The following CDC42SE2 variants were observed in gnomAD, a reference collection of about 807,000 sequenced individuals.
CDC42SE2 encodes CDC42 small effector protein 2.
Under a neutral mutation model 11.5 loss-of-function variants are expected in CDC42SE2, and 3 were observed. The observed-to-expected ratio is 0.26, with a 90% confidence interval of 0.12 to 0.67. The LOEUF (loss-of-function observed/expected upper bound fraction) is 0.67. Among genes scored for constraint, CDC42SE2 ranks in the 30% least tolerant of loss-of-function variants. CDC42SE2 has a pLI of 0.80. For synonymous variants in CDC42SE2, 33 were observed against 34.8 expected (o/e 0.95, Z 0.18); for missense variants, 82 against 106.8 (o/e 0.77, Z 1.02).
chr5:131,334,348 T>C (rs1382026342), intron 2 of CDC42SE2, among the ~76,000 whole-genome samples: 1 of 152,186 alleles, frequency 6.6e-6, no homozygotes, highest in African/African-American at 2.4e-5. Context: ...TTTTGATGTG[T>C]TGCTGGATTT....
intron 2 of CDC42SE2, among the ~76,000 whole-genome samples, chr5:131,340,175 G>A (rs138042828): frequency 1.3e-5 from 2 of 152,144 alleles, no homozygotes; most frequent in African/African-American, 2.4e-5. Context: ...CATTTTATTC[G>A]TGGTTTTGCT....
intron 2 of CDC42SE2, among the ~76,000 whole-genome samples, chr5:131,326,301 C>T (rs1293806875): frequency 2.6e-5 from 4 of 152,102 alleles, no homozygotes; most frequent in African/African-American, 9.7e-5. Context: ...GACGGGGTTT[C>T]ACTGTGTTAG....
chr5:131,330,340 G>A (rs554492878), intron 2 of CDC42SE2, among the ~76,000 whole-genome samples: 1 of 152,246 alleles, frequency 6.6e-6, no homozygotes, highest in African/African-American at 2.4e-5. Flanking sequence ...GAGGAATTTG[G>A]AGGAATAACC....
intron 2 of CDC42SE2, among the ~76,000 whole-genome samples, chr5:131,321,938 C>T (rs1758199652): frequency 6.6e-6 from 1 of 152,182 alleles, no homozygotes; most frequent in South Asian, 2.1e-4. Flanking sequence ...GCAAGCTCCG[C>T]CTCCCGGGTT....
chr5:131,388,161 A>AT (rs61109127), intron 4 of CDC42SE2, among the ~76,000 whole-genome samples: 1 of 152,060 alleles, frequency 6.6e-6, no homozygotes, highest in African/African-American at 2.4e-5. Context: ...TGCCTGGCTA[A>AT]TTTTTTGTAT....
chr5:131,389,467 T>C (rs1049991214), intron 4 of CDC42SE2, among the ~76,000 whole-genome samples: 42 of 152,330 alleles, frequency 2.8e-4, no homozygotes, highest in African/African-American at 1.0e-3. Context: ...TGTAAGTAAA[T>C]TTCCAGGTTA....
chr5:131,257,609 C>T (rs1309044007), intron 2 of CDC42SE2, among the ~76,000 whole-genome samples: 1 of 151,746 alleles, frequency 6.6e-6, no homozygotes, highest in Non-Finnish European at 1.5e-5. Flanking sequence ...TCCCAAGTAG[C>T]CAGGACTACA....
At chr5:131,239,364 G>C in the CDC42SE2 span, among the ~76,000 whole-genome samples, 1 of 151,240 alleles carries the variant, frequency 6.6e-6, no homozygotes, top group East Asian at 2.0e-4. Context: ...TTGAGCCCAG[G>C]ATGTCAAGGC....
intron 2 of CDC42SE2, chr5:131,354,767 A>G (rs1180076976): frequency 1.3e-5 from 2 of 152,208 alleles, no homozygotes; most frequent in African/African-American, 4.8e-5. Flanking sequence ...ATATCAATAC[A>G]AGGTGAGCAT....
intron 1 of CDC42SE2, among the ~76,000 whole-genome samples, chr5:131,287,422 G>A (rs978381395): frequency 5.9e-5 from 9 of 151,392 alleles, no homozygotes; most frequent in African/African-American, 1.7e-4. Flanking sequence ...GTCAGTTGTA[G>A]TGTTTCATTG....
intron 1 of CDC42SE2, among the ~76,000 whole-genome samples, chr5:131,279,920 A>G (rs914285103): frequency 2.0e-5 from 3 of 152,058 alleles, no homozygotes; most frequent in Non-Finnish European, 2.9e-5. Context: ...AAAAAATACA[A>G]AAATTAGCTG....
chr5:131,340,653 A>C (rs1384471733), intron 2 of CDC42SE2, among the ~76,000 whole-genome samples: 1 of 151,544 alleles, frequency 6.6e-6, no homozygotes, highest in Admixed American at 6.6e-5. Flanking sequence ...TTAACCATTA[A>C]AGAGCACATA....
chr5:131,369,013 C>T (rs1749939737), intron 3 of CDC42SE2, among the ~76,000 whole-genome samples: 1 of 152,204 alleles, frequency 6.6e-6, no homozygotes, highest in African/African-American at 2.4e-5. Context: ...CAGAAGCCTC[C>T]TTGTGTCCTT....
chr5:131,285,697 G>T (rs577469227), intron 1 of CDC42SE2, among the ~76,000 whole-genome samples: 80 of 152,268 alleles, frequency 5.3e-4, no homozygotes, highest in Non-Finnish European at 1.1e-3. Context: ...CAAAATCATT[G>T]CATGGTCTGG....
the CDC42SE2 span, among the ~76,000 whole-genome samples, chr5:131,225,572 G>A: frequency 6.6e-6 from 1 of 152,190 alleles, no homozygotes; most frequent in Non-Finnish European, 1.5e-5. Context: ...GGCATGAGGA[G>A]TCTATAGAAA....
intron 1 of CDC42SE2, among the ~76,000 whole-genome samples, chr5:131,287,372 T>G (rs1307265200): frequency 4.6e-5 from 7 of 152,242 alleles, no homozygotes; most frequent in Non-Finnish European, 7.3e-5. Context: ...ATTTTTCTTT[T>G]CTTTTAATCT....
At chr5:131,310,925 C>T (rs1291070080) in intron 1 of CDC42SE2, among the ~76,000 whole-genome samples, 2 of 151,706 alleles carry the variant, frequency 1.3e-5, no homozygotes, top group African/African-American at 2.4e-5. Context: ...TTAATTGGAG[C>T]ATTTAGTCCA....
intron 1 of CDC42SE2, among the ~76,000 whole-genome samples, chr5:131,283,228 A>G (rs550021416): frequency 2.6e-5 from 4 of 152,108 alleles, no homozygotes; most frequent in Middle Eastern, 3.4e-3. Flanking sequence ...CGCCTGGCCA[A>G]AATCACCTTT....
At chr5:131,284,161 T>C (rs572628392) in intron 1 of CDC42SE2, among the ~76,000 whole-genome samples, 1 of 152,222 alleles carries the variant, frequency 6.6e-6, no homozygotes, top group Non-Finnish European at 1.5e-5. Context: ...ATCCATGTTG[T>C]GGTATGTATC....
Sources: allele counts gnomAD v4.1 joint callset (sites outside exome capture counted in the v4.1 genomes callset), GRCh38; gene constraint gnomAD v4.1.1; transcripts MANE v1.5; gene names NCBI Gene and HGNC (gene_info 2026-07-23, HGNC 2026-07-21).